Variants in SLIT3 observed in about 807,000 individuals in gnomAD.
The protein encoded by SLIT3 is slit homolog 3 protein.
In SLIT3, 68 loss-of-function variants were observed where a neutral mutation model predicts 184.0. The observed-to-expected ratio is 0.37, with a 90% CI of 0.30 to 0.45. The LOEUF (loss-of-function observed/expected upper bound fraction) is 0.45, where lower values mean the gene tolerates loss of function less well. Ranked by LOEUF, SLIT3 falls within the 20% of genes least tolerant of loss-of-function variation. The pLI is 1.00. For missense variants in SLIT3, 1,707 were observed against 2,026.0 expected (o/e 0.84, Z 3.02); for synonymous variants, 831 against 828.6 (o/e 1.00, Z -0.05).
At chr5:168,955,647 A>G (rs1025418148) in intron 4 of SLIT3, among the ~76,000 whole-genome samples, 2 of 152,178 alleles carry the variant, frequency 1.3e-5, no homozygotes, top group African/African-American at 4.8e-5. Context: ...GAGACCTGTC[A>G]CTGTGGAACC....
At chr5:168,809,987 C>T (rs1757111077) in intron 8 of SLIT3, among the ~76,000 whole-genome samples, 1 of 152,160 alleles carries the variant, frequency 6.6e-6, no homozygotes, top group Non-Finnish European at 1.5e-5. Context: ...CTGGCAAAAT[C>T]ACTTGTCCAA....
intron 4 of SLIT3, among the ~76,000 whole-genome samples, chr5:168,904,118 C>T (rs1760965301): frequency 1.3e-5 from 2 of 152,166 alleles, no homozygotes; most frequent in African/African-American, 4.8e-5. Context: ...GTCCAGCGCC[C>T]TCCTCATTCT....
intron 4 of SLIT3, among the ~76,000 whole-genome samples, chr5:169,063,944 C>G (rs1223340909): frequency 6.6e-6 from 1 of 152,180 alleles, no homozygotes; most frequent in Non-Finnish European, 1.5e-5. Context: ...AATCATGTAT[C>G]TGGGAGGACT....
chr5:168,991,021 A>C lies in SLIT3; in HGVS notation c.414-107685T>G, dbSNP rs1285752181. 9.8e-5 allele frequency among the ~76,000 whole-genome samples: 15 copies of C among 152,288 alleles called. No homozygotes were observed. In the East Asian group the frequency reaches 2.9e-3, roughly 29 times the overall value. On this transcript the variant is annotated intron_variant, in intron 4 of 35. Coordinates refer to ENST00000519560, the MANE Select transcript of SLIT3 (RefSeq NM_003062.4). ...GGTCATCTTCATTCTGTGAAGGGGG[A>C]AAGTGAAGGTCAGAAAGGTAAAGGA...
intron 4 of SLIT3, among the ~76,000 whole-genome samples, chr5:168,958,173 G>T (rs1044416503): frequency 6.6e-6 from 1 of 152,120 alleles, no homozygotes; most frequent in Non-Finnish European, 1.5e-5. Context: ...TATTTCAAAG[G>T]ATTAGGATGT....
At chr5:168,735,637 T>C (rs1034796132) in intron 20 of SLIT3, among the ~76,000 whole-genome samples, 4 of 141,190 alleles carry the variant, frequency 2.8e-5, no homozygotes, top group East Asian at 4.3e-4. Flanking sequence ...TAAATATACA[T>C]ACACATACAT....
At chr5:168,709,831 GTT>G (rs552127988) in intron 25 of SLIT3, among the ~76,000 whole-genome samples, 13 of 145,452 alleles carry the variant, frequency 8.9e-5, no homozygotes, top group African/African-American at 3.0e-4. Context: ...AATAAAAGGA[GTT>G]TTTTTTTTTT....
At chr5:168,944,767 G>A (rs1007694446) in intron 4 of SLIT3, among the ~76,000 whole-genome samples, 1 of 152,156 alleles carries the variant, frequency 6.6e-6, no homozygotes, top group Non-Finnish European at 1.5e-5. Context: ...ATGGGTGAAA[G>A]TCGTGAGCAA....
At chr5:169,178,321 T>A (rs1056326663) in intron 4 of SLIT3, among the ~76,000 whole-genome samples, 20 of 152,206 alleles carry the variant, frequency 1.3e-4, no homozygotes, top group African/African-American at 4.8e-4. Flanking sequence ...AGTGCTGAGG[T>A]TTGTGAGTCC....
intron 5 of SLIT3, among the ~76,000 whole-genome samples, chr5:168,859,059 A>G (rs994421464): frequency 1.3e-5 from 2 of 152,242 alleles, no homozygotes; most frequent in Non-Finnish European, 2.9e-5. Context: ...CCACCTGATC[A>G]GAAAGGTTGG....
At chr5:168,889,679 C>G (rs939867326) in intron 4 of SLIT3, among the ~76,000 whole-genome samples, 1 of 152,148 alleles carries the variant, frequency 6.6e-6, no homozygotes, top group Non-Finnish European at 1.5e-5. Flanking sequence ...TTATTTCCCT[C>G]AAAAATGAAT....
intron 5 of SLIT3, among the ~76,000 whole-genome samples, chr5:168,862,209 G>C (rs1397031719): frequency 2.6e-5 from 4 of 152,170 alleles, no homozygotes; most frequent in Non-Finnish European, 5.9e-5. Context: ...GGGGACTCGG[G>C]GGAAAGGGCG....
intron 1 of SLIT3, among the ~76,000 whole-genome samples, chr5:169,287,015 G>A (rs967783447): frequency 6.6e-6 from 1 of 152,200 alleles, no homozygotes; most frequent in South Asian, 2.1e-4. Context: ...TACAAGGAGG[G>A]CACACGGCAG....
intron 4 of SLIT3, among the ~76,000 whole-genome samples, chr5:169,013,906 T>C (rs2113465092): frequency 6.6e-6 from 1 of 152,346 alleles, no homozygotes; most frequent in Middle Eastern, 3.4e-3. Flanking sequence ...TGCAGGCCTC[T>C]AGGCTGTTGG....
At chr5:169,226,400 C>T (rs906348666) in intron 3 of SLIT3, among the ~76,000 whole-genome samples, 2 of 147,500 alleles carry the variant, frequency 1.4e-5, no homozygotes, top group Non-Finnish European at 2.9e-5. Flanking sequence ...ATCCCCACTA[C>T]CCCCCTACTC....
intron 9 of SLIT3, among the ~76,000 whole-genome samples, chr5:168,801,592 A>G (rs1756768479): frequency 6.6e-6 from 1 of 152,184 alleles, no homozygotes; most frequent in African/African-American, 2.4e-5. Context: ...GTGGAAGAAG[A>G]TGGGACTCTA....
intron 5 of SLIT3, among the ~76,000 whole-genome samples, chr5:168,877,143 A>G (rs559101327): frequency 2.0e-5 from 3 of 152,314 alleles, no homozygotes; most frequent in Non-Finnish European, 4.4e-5. Flanking sequence ...ACAAGTAATA[A>G]CAGGATAACA....
chr5:169,009,611 T>C (rs1031691136), intron 4 of SLIT3, among the ~76,000 whole-genome samples: 5 of 152,226 alleles, frequency 3.3e-5, no homozygotes, highest in Admixed American at 1.3e-4. Flanking sequence ...AGGTTACAGA[T>C]AGTGACAGCC....
chr5:169,047,505 GACCTAGATGGAACCTACCC>G lies in SLIT3; in HGVS notation c.413+145955_413+145973del, dbSNP rs1426794196. Reference sequence around the variant, plus strand: ...CGGCAGACTGGAGGTTCCATCTGGAGACCTAGATGGAACCTACCCTTCCATCTGGAGACCTAGATGGAAC... The same window carrying G: ...CGGCAGACTGGAGGTTCCATCTGGAGTTCCATCTGGAGACCTAGATGGAAC... On this transcript the variant is annotated intron_variant, in intron 4 of 35. Coordinates refer to ENST00000519560, the MANE Select transcript of SLIT3 (RefSeq NM_003062.4). Among the ~76,000 whole-genome samples, 10 of 59,102 alleles carry G rather than the reference GACCTAGATGGAACCTACCC, an allele frequency of 1.7e-4. No individual in the cohort carries two copies. In the East Asian group the frequency reaches 6.2e-3, roughly 36 times the overall value. 38.8% of individuals were successfully genotyped at this position (59,102 alleles called of 152,430 possible).
Sources: gnomAD v4.1 joint callset for allele counts (sites outside exome capture counted in the v4.1 genomes callset) on GRCh38, gnomAD v4.1.1 for gene constraint, MANE v1.5 for transcripts, NCBI Gene and HGNC (gene_info 2026-07-23, HGNC 2026-07-21) for gene names.